The following CARHSP1 variants were observed in gnomAD, a reference collection of about 807,000 sequenced individuals.
The protein encoded by CARHSP1 is calcium-regulated heat-stable protein 1.
In CARHSP1, 14 loss-of-function variants were observed where a neutral mutation model predicts 12.5. The ratio of observed to expected loss-of-function variants is 1.12; its 90% CI spans 0.74 to 1.75. The LOEUF (loss-of-function observed/expected upper bound fraction) is 1.75. Among genes scored for constraint, CARHSP1 ranks in the 40% most tolerant of loss-of-function variants. The pLI is 0.00. For synonymous variants in CARHSP1, 161 were observed against 82.0 expected, an observed-to-expected ratio of 1.96 and a Z score of -5.20; for missense variants, 343 against 201.6, an observed-to-expected ratio of 1.70 and a Z score of -4.25.
At chr16:8,867,844 A>G (rs1464364424) in intron 1 of CARHSP1, 2 of 152,414 alleles carry the variant, frequency 1.3e-5, no homozygotes, top group African/African-American at 4.8e-5. Flanking sequence ...GTGGCGGAAG[A>G]TAACAGGAAG....
intron 1 of CARHSP1, among the ~76,000 whole-genome samples, chr16:8,861,049 CAA>C (rs543777644): frequency 1.3e-5 from 1 of 75,242 alleles, no homozygotes; most frequent in African/African-American, 3.9e-5. Flanking sequence ...GACTCCGTCT[CAA>C]AAAAAAATAA....
At position 8,854,006 on chromosome 16, in the gene CARHSP1, C is replaced by T. The variant is rs909208519; in HGVS notation, c.*1158G>A. On this transcript the variant is annotated 3_prime_UTR_variant, in exon 4 of 4. Transcript: ENST00000311052. The stretch of plus-strand genomic sequence containing the variant: ...GAGACTGAGGCGGAATTGCCAGAAC[C>T]CTGGAGGGCAGAGGTTGCAGTAAGC... The T allele has an allele frequency of 6.6e-6, 1 of 152,124 alleles. No individual in the cohort carries two copies. Among genetic ancestry groups the T allele is most frequent in the Non-Finnish European group, 1.5e-5 (1 of 68,038 alleles). The allele number at this position is 152,124 out of a possible 1,614,324, so 9.4% of individuals were successfully genotyped here. A position where few individuals can be genotyped will look rare whatever the true frequency, so the allele number is the denominator to read the frequency against.
At chr16:8,856,782 G>C (rs912225486) in intron 3 of CARHSP1, among the ~76,000 whole-genome samples, 2 of 152,152 alleles carry the variant, frequency 1.3e-5, no homozygotes, top group Non-Finnish European at 2.9e-5. Context: ...GAAGCAGGTA[G>C]GGACAAGGGT....
intron 1 of CARHSP1, among the ~76,000 whole-genome samples, chr16:8,863,041 C>T (rs1428552737): frequency 6.6e-6 from 1 of 151,398 alleles, no homozygotes; most frequent in African/African-American, 2.4e-5. Context: ...CCCTCTGTGT[C>T]CCAAGGGCCC....
rs2061489016 is a variant in CARHSP1 at position 8,868,971 on chromosome 16, A to T, written c.-13T>A. The T allele has an allele frequency of 6.6e-6, 1 of 151,680 alleles. No homozygotes were observed. Among genetic ancestry groups the T allele is most frequent in the Non-Finnish European group, 1.5e-5 (1 of 67,934 alleles). 9.4% of individuals were successfully genotyped at this position (151,680 alleles called of 1,614,324 possible). On this transcript the variant is annotated 5_prime_UTR_variant, in exon 1 of 4. Coordinates refer to ENST00000311052, the MANE Select transcript of CARHSP1 (RefSeq NM_014316.4). ...CCCCGAGAAGAGCTCCCTACCCTGC[A>T]ATCCGTTCTGCTCCGCCAGCCGCTT...
chr16:8,865,457 G>C (rs1202642178), intron 1 of CARHSP1, among the ~76,000 whole-genome samples: 2 of 152,220 alleles, frequency 1.3e-5, no homozygotes, highest in African/African-American at 4.8e-5. Flanking sequence ...AAGACAGGAT[G>C]ATAGAAGGCA....
In CARHSP1 at chr16:8,855,097, A is replaced by T; in HGVS notation, c.*67T>A. The T allele has an allele frequency of 3.7e-6, 5 of 1,333,782 alleles. No individual in the cohort carries two copies. The highest frequency in any genetic ancestry group is 4.0e-6 in the Non-Finnish European group (4 of 1,002,030). The allele number at this position is 1,333,782 out of a possible 1,614,324, so 82.6% of individuals were successfully genotyped here. A position where few individuals can be genotyped will look rare whatever the true frequency, so the allele number is the denominator to read the frequency against. ...TCTCGTGTGGAAGAATGTCATCTCC[A>T]GTGTCTGCTGCCTCCTCCCTGCAAA... On this transcript the variant is annotated 3_prime_UTR_variant, in exon 4 of 4. Transcript: ENST00000311052.
chr16:8,860,613 T>G (rs982648571), intron 1 of CARHSP1: 1 of 572,272 alleles, frequency 1.7e-6, no homozygotes, highest in Non-Finnish European at 2.2e-6. Flanking sequence ...ACTTGGCACC[T>G]GCGCAGGGCT....
chr16:8,863,019 G>A (rs1390143043), intron 1 of CARHSP1, among the ~76,000 whole-genome samples: 2 of 151,690 alleles, frequency 1.3e-5, no homozygotes, highest in Admixed American at 1.3e-4. Flanking sequence ...GAGTCTGAGG[G>A]CAGCACAGGG....
At position 8,861,989 on chromosome 16, in the gene CARHSP1, C is replaced by CTTTTTT. The variant is rs537614451; in HGVS notation, c.-7-2660_-7-2655dup. Among the ~76,000 whole-genome samples, 138 of 79,798 alleles carry CTTTTTT rather than the reference C, an allele frequency of 1.7e-3. 9 individuals are homozygous for CTTTTTT. The highest frequency in any genetic ancestry group is 3.3e-3 in the East Asian group (7 of 2,142). The allele number at this position is 79,798 out of a possible 152,430, so 52.4% of individuals were successfully genotyped here. ...TTCTCCTGGAGTCAAGCATAGCTGA[C>CTTTTTT]TTTTTTTTTTTTTTTTTTTTTTTTT... On this transcript the variant is annotated intron_variant, in intron 1 of 3. Transcript: ENST00000311052.
At position 8,860,299 on chromosome 16, in the gene CARHSP1, G is replaced by A. The variant is rs144078629; in HGVS notation, c.-7-964C>T. 179 of 983,774 alleles carry A rather than the reference G, an allele frequency of 1.8e-4. No individual in the cohort carries two copies. In the African/African-American group the frequency reaches 2.7e-3, roughly 15 times the overall value. 60.9% of individuals were successfully genotyped at this position (983,774 alleles called of 1,614,324 possible). On this transcript the variant is annotated intron_variant, in intron 1 of 3. Transcript: ENST00000311052. ...GGCCCAGTGAATTTCCACACAGCCC[G>A]GGTCACCACGCTGTTATGAAATCAA...
intron 3 of CARHSP1, chr16:8,858,145 C>T: frequency 1.6e-6 from 1 of 618,882 alleles, no homozygotes. Flanking sequence ...CTCACATCCC[C>T]CAACACAGCT....
chr16:8,858,155 T>C, intron 3 of CARHSP1, 195 bp downstream of exon 3: 3 of 633,906 alleles, frequency 4.7e-6, no homozygotes, highest in Non-Finnish European at 8.1e-6. Flanking sequence ...CCAACACAGC[T>C]CCGTAGAGTC....
intron 2 of CARHSP1, chr16:8,858,691 C>A (rs1319577976): frequency 1.1e-5 from 6 of 545,100 alleles, no homozygotes; most frequent in Admixed American, 3.5e-5. Context: ...TTTTCTCGGG[C>A]CTGTTTTCCC....
chr16:8,859,115 T>C (rs931449083), intron 2 of CARHSP1, 56 bp downstream of exon 2: 75 of 1,487,180 alleles, frequency 5.0e-5, no homozygotes, highest in Non-Finnish European at 8.2e-6. Flanking sequence ...AGTGAATCTC[T>C]GGCCTCAGGC....
At chr16:8,865,926 G>T (rs1440328833) in intron 1 of CARHSP1, among the ~76,000 whole-genome samples, 1 of 152,178 alleles carries the variant, frequency 6.6e-6, no homozygotes, top group Non-Finnish European at 1.5e-5. Flanking sequence ...CATTCAGCAG[G>T]TGTGGGGTGG....
chr16:8,859,317 C>G lies in CARHSP1; in HGVS notation c.12G>C (p.Glu4Asp). The change falls in exon 2 of 4, where the codon GAG (glutamate) becomes GAC (aspartate). Residue 4 changes from glutamate to aspartate, a missense_variant. By Grantham distance (45) the Glu-to-Asp change is conservative. Transcript: ENST00000311052. MSSEPPPPPQPPTH... is the reference protein window; with the variant it reads MSSDPPPPPQPPTH... ...TGGGGGGCTGTGGTGGTGGGGGAGGCTCAGATGACATGGCTGACCTGGAAA... is the reference window on the plus strand; with the variant it reads ...TGGGGGGCTGTGGTGGTGGGGGAGGGTCAGATGACATGGCTGACCTGGAAA... 1 of 1,601,334 alleles carries G rather than the reference C, an allele frequency of 6.2e-7. No homozygotes were observed. Among genetic ancestry groups the G allele is most frequent in the Non-Finnish European group, 8.5e-7 (1 of 1,178,592 alleles).
At chr16:8,863,122 T>TTTTTTTTTTG (rs2061396219) in intron 1 of CARHSP1, among the ~76,000 whole-genome samples, 1 of 133,580 alleles carries the variant, frequency 7.5e-6, no homozygotes, top group African/African-American at 2.8e-5. Flanking sequence ...CTTTTTTTTT[T>TTTTTTTTTTG]TTTTTTTTTT....
rs933365577 is a variant in CARHSP1 at position 8,854,131 on chromosome 16, G to T, written c.*1033C>A. ...ATGTCGGCAGCAAAGTGCAAACAGA[G>T]CCGGCTCTGGGTGAAAGCTTTAGTT... On this transcript the variant is annotated 3_prime_UTR_variant, in exon 4 of 4. Transcript: ENST00000311052. The T allele has an allele frequency of 6.6e-6, 1 of 151,926 alleles. No individual in the cohort carries two copies. The highest frequency in any genetic ancestry group is 1.5e-5 in the Non-Finnish European group (1 of 67,982). 9.4% of individuals were successfully genotyped at this position (151,926 alleles called of 1,614,324 possible).
Sources: gnomAD v4.1 joint callset for allele counts (sites outside exome capture counted in the v4.1 genomes callset) on GRCh38, gnomAD v4.1.1 for gene constraint, MANE v1.5 for transcripts, NCBI Gene and HGNC (gene_info 2026-07-23, HGNC 2026-07-21) for gene names.